The following GIGYF2 variants were observed in gnomAD, a reference collection of about 807,000 sequenced individuals.
GIGYF2 encodes the protein GRB10-interacting GYF protein 2.
Under a neutral mutation model 208.1 loss-of-function variants are expected in GIGYF2, and 25 were observed. That is an observed-to-expected ratio of 0.12 (90% CI 0.09 to 0.17). The LOEUF (loss-of-function observed/expected upper bound fraction) is 0.17, where lower values mean the gene tolerates loss of function less well. Among genes scored for constraint, GIGYF2 ranks in the 10% least tolerant of loss-of-function variants. The pLI is 1.00. For missense variants in GIGYF2, 1,302 were observed against 1,579.4 expected (o/e 0.82, Z 2.98); for synonymous variants, 534 against 543.8 (o/e 0.98, Z 0.25).
intron 14 of GIGYF2, among the ~76,000 whole-genome samples, chr2:232,805,332 C>A (rs1211508394): frequency 3.3e-5 from 5 of 151,762 alleles, no homozygotes; most frequent in Admixed American, 6.6e-5. Context: ...TTGTCTGTTT[C>A]TTTTTTTCAG....
intron 1 of GIGYF2, among the ~76,000 whole-genome samples, chr2:232,702,265 C>G (rs905880830): frequency 1.3e-5 from 2 of 151,894 alleles, no homozygotes; most frequent in African/African-American, 4.8e-5. Flanking sequence ...ATGGCAAAAC[C>G]CTGTGTCTAC....
At chr2:232,726,927 A>G (rs1697227444) in intron 2 of GIGYF2, among the ~76,000 whole-genome samples, 1 of 152,236 alleles carries the variant, frequency 6.6e-6, no homozygotes, top group African/African-American at 2.4e-5. Flanking sequence ...ATAAAGGCAA[A>G]AAAGTAAAGG....
intron 9 of GIGYF2, among the ~76,000 whole-genome samples, chr2:232,790,000 G>T (rs1348376762): frequency 6.6e-6 from 1 of 152,132 alleles, no homozygotes; most frequent in African/African-American, 2.4e-5. Flanking sequence ...TGTGGAACAA[G>T]CAGCAGAGGG....
At chr2:232,771,702 G>A (rs760412280) in intron 8 of GIGYF2, among the ~76,000 whole-genome samples, 17 of 152,158 alleles carry the variant, frequency 1.1e-4, no homozygotes, top group African/African-American at 2.4e-4. Context: ...GCACAAGTCC[G>A]GGTGTCAAGC....
intron 2 of GIGYF2, among the ~76,000 whole-genome samples, chr2:232,706,966 A>AT (rs1199820455): frequency 3.5e-5 from 3 of 85,602 alleles, no homozygotes; most frequent in African/African-American, 1.1e-4. Context: ...AAAAAAAAAA[A>AT]TTTTTTTTTT....
In GIGYF2 at chr2:232,811,337, G is replaced by C. The variant is rs773952814; in HGVS notation, c.1992G>C (p.Gln664His). ...TGGCACTTCTTCTTCAACAGTTTCAGACCTTGAAGATGAGGTTGGTGGTCA... is the reference window on the plus strand; with the variant it reads ...TGGCACTTCTTCTTCAACAGTTTCACACCTTGAAGATGAGGTTGGTGGTCA... ...QQLALLLQQFQTLKMRISDQN... is the reference protein window; with the variant it reads ...QQLALLLQQFHTLKMRISDQN... Residue 664 changes from glutamine (Q) to histidine (H), a missense_variant, in exon 17 of 29, where the codon CAG becomes CAC. This residue lies in a region of GIGYF2 where 701 missense variants were observed against 793.0 expected (regional missense o/e 0.88). Coordinates refer to ENST00000373563, the MANE Select transcript of GIGYF2 (RefSeq NM_001103146.3). 1.5e-5 allele frequency: 23 copies of C among 1,584,308 alleles called. No individual in the cohort carries two copies. The East Asian group carries it at 5.1e-4, about 35-fold the overall frequency.
At chr2:232,738,228 T>A (rs570582895) in intron 3 of GIGYF2, among the ~76,000 whole-genome samples, 1 of 152,232 alleles carries the variant, frequency 6.6e-6, no homozygotes, top group South Asian at 2.1e-4. Context: ...AGGCTTGAAC[T>A]TTTTAAGGTC....
intron 3 of GIGYF2, among the ~76,000 whole-genome samples, chr2:232,747,150 TC>T (rs1698178801): frequency 6.6e-6 from 1 of 152,218 alleles, no homozygotes; most frequent in Admixed American, 6.5e-5. Context: ...TTAGCTATTA[TC>T]AAATCATTCT....
chr2:232,711,705 G>GTGTATATATATATATATATATATATA lies in GIGYF2; in HGVS notation c.-44+8217_-44+8218insGTATATATATATATATATATATATAT, dbSNP rs147184549. On this transcript the variant is annotated intron_variant, in intron 2 of 28. Coordinates refer to ENST00000373563, the MANE Select transcript of GIGYF2 (RefSeq NM_001103146.3). ...GAAGGAAAATTATCCTCACAATGAT[G>GTGTATATATATATATATATATATATA]TATATATATATATATATATATAGTT... Among the ~76,000 whole-genome samples, 34 of 115,756 alleles carry GTGTATATATATATATATATATATATA rather than the reference G, an allele frequency of 2.9e-4. 1 individual carries two copies. The South Asian group carries it at 3.7e-3, about 13-fold the overall frequency. The allele number at this position is 115,756 out of a possible 152,430, so 75.9% of individuals were successfully genotyped here. A position where few individuals can be genotyped will look rare whatever the true frequency, so the allele number is the denominator to read the frequency against.
At chr2:232,748,884 TCAA>T (rs1030252081) in intron 4 of GIGYF2, 100 bp from the exon 5 acceptor site, 16 of 750,462 alleles carry the variant, frequency 2.1e-5, no homozygotes, top group Middle Eastern at 2.8e-4. Context: ...TTTATAATAA[TCAA>T]CAATAAATAG....
At position 232,816,964 on chromosome 2, in the gene GIGYF2, A is replaced by G. The variant is rs1444841050; in HGVS notation, c.2302A>G (p.Ile768Val). Residue 768 changes from isoleucine to valine, a missense_variant, in exon 20 of 29, where the codon ATT becomes GTT. Ile to Val is a conservative substitution (Grantham distance 29). This residue lies in a region of GIGYF2 where 701 missense variants were observed against 793.0 expected (regional missense o/e 0.88). Transcript: ENST00000373563. The part of the protein sequence containing the change: ...QEELRRQQEE[I>V]LRRQQEEERK... ...AGAACTCCGAAGACAACAGGAGGAAATTCTTCGGCGACAGCAGGAAGAAGA... is the reference window on the plus strand; with the variant it reads ...AGAACTCCGAAGACAACAGGAGGAAGTTCTTCGGCGACAGCAGGAAGAAGA... 6.2e-7 allele frequency: 1 copy of G among 1,612,986 alleles called. No individual in the cohort carries two copies. Among genetic ancestry groups the G allele is most frequent in the East Asian group, 2.2e-5 (1 of 44,866 alleles).
intron 26 of GIGYF2, among the ~76,000 whole-genome samples, chr2:232,847,103 CTG>C (rs1702030952): frequency 6.6e-6 from 1 of 152,146 alleles, no homozygotes; most frequent in Non-Finnish European, 1.5e-5. Context: ...AGTCAAGTAA[CTG>C]TTTCAGTCAG....
chr2:232,833,680 C>T (rs759859747), intron 22 of GIGYF2, among the ~76,000 whole-genome samples: 1 of 152,122 alleles, frequency 6.6e-6, no homozygotes, highest in African/African-American at 2.4e-5. Context: ...ACCAGTTCAG[C>T]GCTGCTGAGA....
rs1702042264 is a variant in GIGYF2, at chr2:232,847,367, C to T, written c.3480C>T (p.Phe1160=). 1 of 1,612,108 alleles carries T rather than the reference C, an allele frequency of 6.2e-7. No individual in the cohort carries two copies. Among genetic ancestry groups the T allele is most frequent in the Non-Finnish European group, 8.5e-7 (1 of 1,178,454 alleles). ...TTGCAGTTCCCACATTTGTTTCTTT[C>T]CTGAAAGAAGTAGAATCTCCTTATG... The part of the protein sequence containing the change: ...NNLDVPTFVS[F]LKEVESPYEV... Residue 1160 remains phenylalanine (F), a synonymous_variant, in exon 27 of 29, where the codon TTC becomes TTT. Coordinates refer to ENST00000373563, the MANE Select transcript of GIGYF2 (RefSeq NM_001103146.3).
At position 232,751,309 on chromosome 2, in the gene GIGYF2, G is replaced by A. The variant is rs569226185; in HGVS notation, c.267+2227G>A. ...GGCTCACTGCAACATCTGCCTCCTGGGTTCAAGGGATTCTTGTGTTTCAGC... is the reference window on the plus strand; with the variant it reads ...GGCTCACTGCAACATCTGCCTCCTGAGTTCAAGGGATTCTTGTGTTTCAGC... On this transcript the variant is annotated intron_variant, in intron 5 of 28. Transcript: ENST00000373563. 6.7e-4 allele frequency among the ~76,000 whole-genome samples: 102 copies of A among 152,234 alleles called. 1 individual carries two copies. Among genetic ancestry groups the A allele is most frequent in the Admixed American group, 1.5e-3 (23 of 15,298 alleles).
At chr2:232,730,897 C>CAAAAA (rs34491260) in intron 2 of GIGYF2, among the ~76,000 whole-genome samples, 21 of 51,502 alleles carry the variant, frequency 4.1e-4, no homozygotes, top group East Asian at 6.0e-4. Flanking sequence ...GACTCCGTCT[C>CAAAAA]AAAAAAAAAA....
rs1198785414 is a variant in GIGYF2 at position 232,787,285 on chromosome 2, C to T, written c.668C>T (p.Ala223Val). Residue 223 changes from alanine (A) to valine (V), a missense_variant, in exon 9 of 29, where the codon GCT (alanine) becomes GTT (valine). Physicochemically the swap from Ala to Val is moderately conservative, Grantham distance 64 (BLOSUM62 0). Around this residue, in one of 8 missense-constraint regions of GIGYF2, gnomAD observed 189 missense variants for 257.7 expected, o/e 0.73. Coordinates refer to ENST00000373563, the MANE Select transcript of GIGYF2 (RefSeq NM_001103146.3). ...GEDEDGGWRL[A>V]GSRRDGERWR... Reference sequence around the variant, plus strand: ...GATGAAGATGGAGGTTGGCGACTAGCTGGATCAAGGAGGGATGGAGAGAGG... The same window carrying T: ...GATGAAGATGGAGGTTGGCGACTAGTTGGATCAAGGAGGGATGGAGAGAGG... 3 of 1,614,052 alleles carry T rather than the reference C, an allele frequency of 1.9e-6. No individual in the cohort carries two copies. Among genetic ancestry groups the T allele is most frequent in the Non-Finnish European group, 2.5e-6 (3 of 1,179,972 alleles).
chr2:232,814,051 C>A (rs960302891), intron 18 of GIGYF2, among the ~76,000 whole-genome samples: 2 of 151,664 alleles, frequency 1.3e-5, no homozygotes, highest in African/African-American at 4.8e-5. Context: ...CCACGCTTGG[C>A]TAATTTTTGT....
intron 2 of GIGYF2, among the ~76,000 whole-genome samples, chr2:232,718,810 T>A (rs892170384): frequency 2.0e-5 from 3 of 152,152 alleles, no homozygotes; most frequent in Non-Finnish European, 4.4e-5. Context: ...GAGTTGGTCT[T>A]TTTTCTGCTT....
Sources: gnomAD v4.1 joint callset for allele counts (sites outside exome capture counted in the v4.1 genomes callset) on GRCh38, gnomAD v4.1.1 for gene constraint, gnomAD v4.1.1 regional missense constraint, MANE v1.5 for transcripts, NCBI Gene and HGNC (gene_info 2026-07-23, HGNC 2026-07-21) for gene names.